Variants in MARCHF3 observed in about 807,000 individuals in gnomAD.
MARCHF3 encodes membrane associated ring-CH-type finger 3, also known as E3 ubiquitin-protein ligase MARCHF3.
Under a neutral mutation model 24.2 loss-of-function variants are expected in MARCHF3, and 13 were observed. The ratio of observed to expected loss-of-function variants is 0.54; its 90% confidence interval spans 0.35 to 0.85. The LOEUF (loss-of-function observed/expected upper bound fraction) is 0.85. Ranked by LOEUF, MARCHF3 falls within the 40% of genes least tolerant of loss-of-function variation. The pLI, the probability that MARCHF3 is intolerant of heterozygous loss-of-function variation, is 0.01. For missense variants in MARCHF3, 276 were observed against 325.0 expected (o/e 0.85, Z 1.16); for synonymous variants, 144 against 137.3 (o/e 1.05, Z -0.34).
chr5:127,003,699 G>A (rs1012710276), intron 1 of MARCHF3, among the ~76,000 whole-genome samples: 2 of 152,170 alleles, frequency 1.3e-5, no homozygotes, highest in African/African-American at 4.8e-5. Context: ...GCAGTGAGCC[G>A]AGATCGTGCC....
At chr5:126,928,497 T>A (rs1231927148) in intron 1 of MARCHF3, among the ~76,000 whole-genome samples, 1 of 152,202 alleles carries the variant, frequency 6.6e-6, no homozygotes, top group Non-Finnish European at 1.5e-5. Context: ...TTTTTTAAAA[T>A]GTTCAATTCT....
At chr5:126,909,501 C>G (rs111799603) in intron 3 of MARCHF3, among the ~76,000 whole-genome samples, 2 of 152,350 alleles carry the variant, frequency 1.3e-5, no homozygotes, top group South Asian at 4.1e-4. Context: ...CTCCGAGCCA[C>G]GCACAGGATA....
chr5:126,914,725 T>C (rs545671146), intron 3 of MARCHF3: 112 of 596,846 alleles, frequency 1.9e-4, no homozygotes, highest in African/African-American at 1.9e-3. Flanking sequence ...GCTAGCAAGC[T>C]CTCCCTTCTC....
chr5:126,949,967 T>C (rs1222777325), intron 1 of MARCHF3, among the ~76,000 whole-genome samples: 1 of 152,212 alleles, frequency 6.6e-6, no homozygotes, highest in African/African-American at 2.4e-5. Flanking sequence ...TACTACATCA[T>C]GTGTCCCACT....
intron 2 of MARCHF3, among the ~76,000 whole-genome samples, chr5:126,916,988 T>C (rs1748883882): frequency 6.6e-6 from 1 of 152,208 alleles, no homozygotes; most frequent in Admixed American, 6.5e-5. Flanking sequence ...ATGGAGGGCA[T>C]ATGAGCAGTG....
At chr5:126,960,342 C>G (rs1580683426) in intron 1 of MARCHF3, among the ~76,000 whole-genome samples, 1 of 152,102 alleles carries the variant, frequency 6.6e-6, no homozygotes, top group African/African-American at 2.4e-5. Flanking sequence ...CTGTATAAAT[C>G]ATGAATAAAG....
intron 1 of MARCHF3, among the ~76,000 whole-genome samples, chr5:126,999,053 T>C (rs1265067606): frequency 1.3e-5 from 2 of 152,216 alleles, no homozygotes; most frequent in Admixed American, 6.5e-5. Context: ...TTACACATAA[T>C]TGCTTTTCAG....
chr5:126,964,904 T>C (rs1408238735), intron 1 of MARCHF3, among the ~76,000 whole-genome samples: 2 of 151,178 alleles, frequency 1.3e-5, no homozygotes, highest in African/African-American at 2.4e-5. Context: ...TCCCTCCTAA[T>C]AGCCAGCCCT....
At chr5:126,895,308 C>G (rs1415132887) in intron 3 of MARCHF3, among the ~76,000 whole-genome samples, 1 of 152,160 alleles carries the variant, frequency 6.6e-6, no homozygotes, top group Non-Finnish European at 1.5e-5. Context: ...CTTCTCTCAG[C>G]TCCTCAAAGT....
At position 126,878,380 on chromosome 5, in the gene MARCHF3, A is replaced by G. The variant is rs1261050921; in HGVS notation, c.408T>C (p.Pro136=). 2.5e-6 allele frequency: 4 copies of G among 1,612,752 alleles called. No homozygotes were observed. The highest frequency in any genetic ancestry group is 2.2e-5 in the South Asian group (2 of 90,848). Residue 136 remains proline (P), a synonymous_variant, in exon 4 of 5, where the codon CCT becomes CCC. Transcript: ENST00000308660. ...GAGTCCGCTTCTCATGCTGGGGGCC[A>G]GGGTTTCTCAGCCACTGCCAGGTAA... ...PRPLVEWLRN[P]GPQHEKRTLF...
intron 1 of MARCHF3, among the ~76,000 whole-genome samples, chr5:126,971,753 C>T (rs1428733452): frequency 6.6e-6 from 1 of 152,112 alleles, no homozygotes; most frequent in East Asian, 1.9e-4. Context: ...CATTTTAATC[C>T]CAGTAAGTGA....
chr5:126,897,061 TGGAG>T (rs1305860562), intron 3 of MARCHF3, among the ~76,000 whole-genome samples: 43 of 149,752 alleles, frequency 2.9e-4, no homozygotes, highest in South Asian at 4.3e-4. Context: ...TTTTTTGAGA[TGGAG>T]TTTCACTTTT....
intron 1 of MARCHF3, among the ~76,000 whole-genome samples, chr5:126,969,340 G>A (rs79387395): frequency 0.022 from 3,399 of 152,266 alleles, 109 homozygotes; most frequent in African/African-American, 0.078. Context: ...TTTTGCAGCA[G>A]ACAGCTGGGT....
At chr5:126,967,412 G>A (rs1750855576) in intron 1 of MARCHF3, among the ~76,000 whole-genome samples, 1 of 152,124 alleles carries the variant, frequency 6.6e-6, no homozygotes, top group African/African-American at 2.4e-5. Flanking sequence ...CAACATTTAG[G>A]CCTGGTGCGG....
chr5:126,912,408 T>C (rs1229724914), intron 3 of MARCHF3, among the ~76,000 whole-genome samples: 1 of 152,234 alleles, frequency 6.6e-6, no homozygotes, highest in Non-Finnish European at 1.5e-5. Flanking sequence ...AGAGCTGTTA[T>C]TGTCACATCG....
chr5:126,902,158 C>A (rs542225174), intron 3 of MARCHF3, among the ~76,000 whole-genome samples: 9 of 152,218 alleles, frequency 5.9e-5, no homozygotes, highest in African/African-American at 2.2e-4. Flanking sequence ...TGGATTTCCT[C>A]CCTATTTGAG....
chr5:126,967,895 G>A (rs572632133), intron 1 of MARCHF3, among the ~76,000 whole-genome samples: 14 of 152,114 alleles, frequency 9.2e-5, no homozygotes, highest in South Asian at 4.2e-4. Flanking sequence ...TTACAACATT[G>A]TGCAACCATC....
intron 3 of MARCHF3, among the ~76,000 whole-genome samples, chr5:126,891,119 A>C (rs2126775522): frequency 6.7e-6 from 1 of 149,502 alleles, no homozygotes; most frequent in South Asian, 2.1e-4. Flanking sequence ...TCCTTCGCCC[A>C]CTTTTTGATG....
chr5:126,992,831 G>C (rs1224278709), intron 1 of MARCHF3, among the ~76,000 whole-genome samples: 4 of 147,596 alleles, frequency 2.7e-5, no homozygotes, highest in African/African-American at 1.0e-4. Flanking sequence ...GAGTGCAGTG[G>C]CGCGATCTCT....
Sources: gnomAD v4.1 joint callset for allele counts (sites outside exome capture counted in the v4.1 genomes callset) on GRCh38, gnomAD v4.1.1 for gene constraint, MANE v1.5 for transcripts, NCBI Gene and HGNC (gene_info 2026-07-23, HGNC 2026-07-21) for gene names.